PRKAG2: variants seen among roughly 807,000 people sequenced by gnomAD.
PRKAG2 encodes protein kinase AMP-activated non-catalytic subunit gamma 2, also known as 5'-AMP-activated protein kinase subunit gamma-2.
A neutral mutation model predicts 69.6 loss-of-function variants in PRKAG2; 26 were observed. The ratio of observed to expected loss-of-function variants is 0.37; its 90% CI spans 0.27 to 0.52. The LOEUF (loss-of-function observed/expected upper bound fraction) is 0.52, where lower values mean the gene tolerates loss of function less well. Ranked by LOEUF, PRKAG2 falls within the 20% of genes least tolerant of loss-of-function variation. The pLI, the probability that PRKAG2 is intolerant of heterozygous loss-of-function variation, is 0.90. For synonymous variants in PRKAG2, 293 were observed against 285.0 expected, an observed-to-expected ratio of 1.03 and a Z score of -0.28; for missense variants, 557 against 740.0, an observed-to-expected ratio of 0.75 and a Z score of 2.87.
intron 1 of PRKAG2, among the ~76,000 whole-genome samples, chr7:151,865,138 T>G (rs1233552196): frequency 1.3e-5 from 2 of 152,244 alleles, no homozygotes; most frequent in South Asian, 4.1e-4. Context: ...CCTCCATCCC[T>G]TGAGTCTCAG....
At chr7:151,613,849 GC>G (rs1819473363) in intron 5 of PRKAG2, among the ~76,000 whole-genome samples, 1 of 132,626 alleles carries the variant, frequency 7.5e-6, no homozygotes, top group South Asian at 2.5e-4. Flanking sequence ...TGTTGCCCAG[GC>G]TGGAGTGCAG....
intron 4 of PRKAG2, among the ~76,000 whole-genome samples, chr7:151,657,562 C>T (rs1829625925): frequency 6.6e-6 from 1 of 152,182 alleles, no homozygotes; most frequent in Non-Finnish European, 1.5e-5. Flanking sequence ...ATACAATCTC[C>T]AGTAGATTTT....
intron 1 of PRKAG2, chr7:151,809,152 G>GT (rs1349819440): frequency 4.6e-6 from 2 of 437,888 alleles, no homozygotes; most frequent in African/African-American, 4.0e-5. Flanking sequence ...GCCATCCTGC[G>GT]TAAATGCCTG....
At chr7:151,726,649 C>T (rs1311479142) in intron 3 of PRKAG2, among the ~76,000 whole-genome samples, 1 of 151,938 alleles carries the variant, frequency 6.6e-6, no homozygotes, top group East Asian at 1.9e-4. Context: ...ACTTCAACGC[C>T]GCACGCAGGC....
At chr7:151,802,897 C>T (rs941520335) in intron 1 of PRKAG2, among the ~76,000 whole-genome samples, 1 of 151,740 alleles carries the variant, frequency 6.6e-6, no homozygotes, top group African/African-American at 2.4e-5. Context: ...TCAGGACTCC[C>T]ACAAGGTTAA....
chr7:151,724,276 G>T (rs1489931994), intron 3 of PRKAG2, among the ~76,000 whole-genome samples: 1 of 152,126 alleles, frequency 6.6e-6, no homozygotes, highest in African/African-American at 2.4e-5. Flanking sequence ...TGCATTTGGG[G>T]GTCGCTTTGC....
At chr7:151,857,262 T>G (rs955873247) in intron 1 of PRKAG2, among the ~76,000 whole-genome samples, 4 of 152,006 alleles carry the variant, frequency 2.6e-5, no homozygotes, top group Non-Finnish European at 2.9e-5. Context: ...TCAGGACCTT[T>G]CTGCTCCTGC....
intron 3 of PRKAG2, among the ~76,000 whole-genome samples, chr7:151,679,674 G>A (rs1306100663): frequency 2.6e-5 from 4 of 152,172 alleles, no homozygotes; most frequent in East Asian, 1.9e-4. Context: ...TGGGGTCTTC[G>A]TGTGTAAAGG....
intron 15 of PRKAG2, chr7:151,558,038 G>A (rs1477604072): frequency 8.1e-6 from 8 of 985,106 alleles, no homozygotes; most frequent in African/African-American, 1.7e-5. Flanking sequence ...TTCACCAGAC[G>A]CTAGACCCCT....
At position 151,579,017 on chromosome 7, in the gene PRKAG2, AT is replaced by A. The variant is rs888765582; in HGVS notation, c.865-2566del. Among the ~76,000 whole-genome samples, 34 of 151,970 alleles carry A rather than the reference AT, an allele frequency of 2.2e-4. 1 individual carries two copies. In the South Asian group the frequency reaches 3.1e-3, roughly 14 times the overall value. On this transcript the variant is annotated intron_variant, in intron 6 of 15. Coordinates refer to ENST00000287878, the MANE Select transcript of PRKAG2 (RefSeq NM_016203.4). ...TTTTATGTTTTATTTGTATTTATTT[AT>A]TTTTTTTGGAGACAGGGTCTCACTT...
intron 6 of PRKAG2, among the ~76,000 whole-genome samples, chr7:151,582,566 A>C (rs981312004): frequency 5.9e-4 from 90 of 152,352 alleles, no homozygotes; most frequent in African/African-American, 1.9e-3. Flanking sequence ...AAGATAAAAC[A>C]ACCAAGGCTC....
At chr7:151,630,109 G>A (rs910506296) in intron 5 of PRKAG2, among the ~76,000 whole-genome samples, 12 of 152,116 alleles carry the variant, frequency 7.9e-5, no homozygotes, top group Middle Eastern at 3.4e-3. Flanking sequence ...CGTGGGATTC[G>A]GTGTGCTTTA....
At chr7:151,842,584 TGATGGTAGGTAGG>T (rs1658492003) in intron 1 of PRKAG2, among the ~76,000 whole-genome samples, 1 of 143,398 alleles carries the variant, frequency 7.0e-6, no homozygotes, top group Admixed American at 6.9e-5. Context: ...GTGATGGTAG[TGATGGTAGGTAGG>T]GATGGTAGTG....
In PRKAG2 at chr7:151,614,050, T is replaced by C. The variant is rs1045507763; in HGVS notation, c.754+18019A>G. ...ACTTCTGACCTCAGGTGATCCACCTTACCTCCAACTCAGACACCCCCGCTC... is the reference window on the plus strand; with the variant it reads ...ACTTCTGACCTCAGGTGATCCACCTCACCTCCAACTCAGACACCCCCGCTC... On this transcript the variant is annotated intron_variant, in intron 5 of 15. Coordinates refer to ENST00000287878, the MANE Select transcript of PRKAG2 (RefSeq NM_016203.4). This position sits in a 1 kb window ranked among gnomAD's most constrained non-coding sequence, Gnocchi z 4.4. Among the ~76,000 whole-genome samples, 1 of 152,060 alleles carries C rather than the reference T, an allele frequency of 6.6e-6. No individual in the cohort carries two copies. The highest frequency in any genetic ancestry group is 3.2e-3 in the Middle Eastern group (1 of 316).
intron 3 of PRKAG2, among the ~76,000 whole-genome samples, chr7:151,694,028 C>T (rs1039512755): frequency 6.6e-6 from 1 of 152,170 alleles, no homozygotes; most frequent in Non-Finnish European, 1.5e-5. Flanking sequence ...CTCACCACCA[C>T]ACCCAGCTAA....
chr7:151,739,472 C>G (rs200378478), intron 3 of PRKAG2, among the ~76,000 whole-genome samples: 2 of 104,078 alleles, frequency 1.9e-5, no homozygotes, highest in Non-Finnish European at 4.1e-5. Flanking sequence ...ATTTATTTAT[C>G]TATTTTTATT....
intron 15 of PRKAG2, chr7:151,557,439 T>C (rs1442904516): frequency 1.0e-6 from 1 of 985,246 alleles, no homozygotes; most frequent in African/African-American, 1.7e-5. Flanking sequence ...CATCTTGTCA[T>C]TCTAAATATG....
At chr7:151,657,830 T>G (rs1293716160) in intron 4 of PRKAG2, among the ~76,000 whole-genome samples, 1 of 152,182 alleles carries the variant, frequency 6.6e-6, no homozygotes, top group East Asian at 1.9e-4. Flanking sequence ...TGTTTTTATT[T>G]GTAAAGTAAG....
In PRKAG2 at chr7:151,581,419, A is replaced by C. The variant is rs146855041; in HGVS notation, c.865-4967T>G. On this transcript the variant is annotated intron_variant, in intron 6 of 15. Coordinates refer to ENST00000287878, the MANE Select transcript of PRKAG2 (RefSeq NM_016203.4). ...TAATAAGGGCCAATGAGTCCAATGG[A>C]TCTAAACCATAGATGAGACCACGTG... Among the ~76,000 whole-genome samples the C allele has an allele frequency of 3.1e-3, 469 of 152,314 alleles. 3 individuals are homozygous for C. The highest frequency in any genetic ancestry group is 0.011 in the African/African-American group (450 of 41,568).
Sources: gnomAD v4.1 joint callset for allele counts (sites outside exome capture counted in the v4.1 genomes callset) on GRCh38, gnomAD v4.1.1 for gene constraint, Gnocchi (gnomAD v3.1) non-coding constraint, MANE v1.5 for transcripts, NCBI Gene and HGNC (gene_info 2026-07-23, HGNC 2026-07-21) for gene names.